TMPRSS11A: variants seen among roughly 807,000 people sequenced by gnomAD.
TMPRSS11A encodes the protein transmembrane serine protease 11A.
A neutral mutation model predicts 58.9 loss-of-function variants in TMPRSS11A; 53 were observed. The ratio of observed to expected loss-of-function variants is 0.90; its 90% CI spans 0.72 to 1.13. The LOEUF (loss-of-function observed/expected upper bound fraction) is 1.13, where lower values mean the gene tolerates loss of function less well. Ranked by LOEUF, TMPRSS11A falls within the 50% of genes most tolerant of loss-of-function variation. The pLI is 0.00. For missense variants in TMPRSS11A, 493 were observed against 499.3 expected (o/e 0.99, Z 0.12); for synonymous variants, 167 against 169.8 (o/e 0.98, Z 0.13).
At chr4:67,949,626 A>C (rs150479102) in intron 1 of TMPRSS11A, among the ~76,000 whole-genome samples, 2 of 152,340 alleles carry the variant, frequency 1.3e-5, no homozygotes, top group Admixed American at 6.5e-5. Flanking sequence ...TAGGAGGCTG[A>C]AGTGGGCAGG....
At chr4:67,918,348 T>C (rs1314248281) in intron 8 of TMPRSS11A, among the ~76,000 whole-genome samples, 2 of 152,192 alleles carry the variant, frequency 1.3e-5, no homozygotes, top group Non-Finnish European at 2.9e-5. Context: ...TTGAATACTT[T>C]TAGAGGGGAC....
intron 3 of TMPRSS11A, among the ~76,000 whole-genome samples, chr4:67,939,056 T>C (rs1720816556): frequency 6.6e-6 from 1 of 152,140 alleles, no homozygotes; most frequent in Non-Finnish European, 1.5e-5. Context: ...CATGGAATGT[T>C]TTTGCATTCA....
At position 67,920,527 on chromosome 4, in the gene TMPRSS11A, T is replaced by TTATATATA. The variant is rs1180319358; in HGVS notation, c.693-1303_693-1296dup. 1.6e-3 allele frequency among the ~76,000 whole-genome samples: 206 copies of TTATATATA among 132,712 alleles called. 1 individual carries two copies. The highest frequency in any genetic ancestry group is 4.0e-3 in the African/African-American group (145 of 35,812). 87.1% of individuals were successfully genotyped at this position (132,712 alleles called of 152,430 possible). On this transcript the variant is annotated intron_variant, in intron 7 of 9. Transcript: ENST00000508048. ...AGTTGGTTCTGGAAAAATGAGGTAA[T>TTATATATA]TATATATATATATATATATATATTT...
intron 3 of TMPRSS11A, among the ~76,000 whole-genome samples, chr4:67,943,274 G>A (rs1292373714): frequency 7.2e-5 from 11 of 152,104 alleles, no homozygotes; most frequent in South Asian, 4.1e-4. Context: ...ATTCTTCTCC[G>A]TTTACTTCAG....
chr4:67,922,818 T>A lies in TMPRSS11A; in HGVS notation c.629A>T (p.His210Leu). ...ACTAATCAAGGTGGCCCCACACTGATGGATGTTATCATACTGAAGGGAAGC... is the reference window on the plus strand; with the variant it reads ...ACTAATCAAGGTGGCCCCACACTGAAGGATGTTATCATACTGAAGGGAAGC... ...WQASLQYDNI[H>L]QCGATLISNT... Residue 210 changes from histidine (H) to leucine (L), a missense_variant, in exon 7 of 10, where the codon CAT becomes CTT. Physicochemically the swap from His to Leu is moderately conservative, Grantham distance 99 (BLOSUM62 -3). Transcript: ENST00000508048. The A allele has an allele frequency of 1.2e-6, 2 of 1,614,142 alleles. No individual in the cohort carries two copies. The highest frequency in any genetic ancestry group is 1.1e-5 in the South Asian group (1 of 91,078).
intron 3 of TMPRSS11A, among the ~76,000 whole-genome samples, chr4:67,938,813 C>T (rs1720811936): frequency 6.6e-6 from 1 of 150,384 alleles, no homozygotes; most frequent in South Asian, 2.1e-4. Flanking sequence ...TTACTGTAGC[C>T]TTAAAGTATA....
intron 3 of TMPRSS11A, among the ~76,000 whole-genome samples, chr4:67,933,482 T>C (rs1720678470): frequency 6.6e-6 from 1 of 152,216 alleles, no homozygotes; most frequent in Non-Finnish European, 1.5e-5. Flanking sequence ...AAGTAATTTA[T>C]TGACCTAAAG....
At chr4:67,932,806 G>T (rs933978572) in intron 3 of TMPRSS11A, among the ~76,000 whole-genome samples, 7 of 151,960 alleles carry the variant, frequency 4.6e-5, no homozygotes, top group African/African-American at 1.7e-4. Context: ...AGAATTAGGT[G>T]GTATTCCAGT....
intron 1 of TMPRSS11A, among the ~76,000 whole-genome samples, chr4:67,956,125 T>A (rs1430124818): frequency 6.6e-6 from 1 of 152,130 alleles, no homozygotes; most frequent in East Asian, 1.9e-4. Context: ...TGTAAAGCCA[T>A]GAAATAAGCA....
Position 67,919,251 on chromosome 4 carries a change from T to C in TMPRSS11A, c.693-19A>G, listed in dbSNP as rs1720253929. 4 of 1,610,348 alleles carry C rather than the reference T, an allele frequency of 2.5e-6. No individual in the cohort carries two copies. The highest frequency in any genetic ancestry group is 3.4e-6 in the Non-Finnish European group (4 of 1,177,882). On this transcript the variant is annotated intron_variant, in intron 7 of 9. Coordinates refer to ENST00000508048, the MANE Select transcript of TMPRSS11A (RefSeq NM_001114387.2). ...TTTATACCTGGAAAAGGTTAGAAAT[T>C]AACAGAATATATATAAGCTGCCCAA...
At chr4:67,928,909 T>G (rs1720541493) in intron 5 of TMPRSS11A, among the ~76,000 whole-genome samples, 1 of 152,234 alleles carries the variant, frequency 6.6e-6, no homozygotes, top group Admixed American at 6.5e-5. Flanking sequence ...TATACTTGTC[T>G]GTTGGAAGAA....
At chr4:67,947,438 A>G (rs1368627866) in intron 1 of TMPRSS11A, among the ~76,000 whole-genome samples, 1 of 152,164 alleles carries the variant, frequency 6.6e-6, no homozygotes, top group Non-Finnish European at 1.5e-5. Flanking sequence ...ATCAAGCTAA[A>G]CATCCTTTAG....
intron 5 of TMPRSS11A, among the ~76,000 whole-genome samples, chr4:67,928,347 C>T (rs1047368026): frequency 6.6e-6 from 1 of 152,182 alleles, no homozygotes; most frequent in African/African-American, 2.4e-5. Flanking sequence ...TGCCCAGCCT[C>T]AGGTGACTCT....
At chr4:67,952,499 G>C (rs549167201) in intron 1 of TMPRSS11A, among the ~76,000 whole-genome samples, 191 of 152,254 alleles carry the variant, frequency 1.3e-3, no homozygotes, top group Non-Finnish European at 2.2e-3. Context: ...ATTTGATTTT[G>C]CTTTCATATC....
chr4:67,945,368 A>G (rs568563898), intron 2 of TMPRSS11A, among the ~76,000 whole-genome samples: 2 of 152,270 alleles, frequency 1.3e-5, no homozygotes, highest in Admixed American at 6.5e-5. Context: ...TGGCTCAGGG[A>G]AGAGGGAGTG....
chr4:67,930,831 CA>C (rs1165212348), intron 4 of TMPRSS11A, among the ~76,000 whole-genome samples: 1,079 of 74,776 alleles, frequency 0.014, 8 homozygotes, highest in South Asian at 0.05. Flanking sequence ...TTTTTTTTTA[CA>C]AAAAAAAAAA....
At chr4:67,924,242 G>A in intron 5 of TMPRSS11A, 76 bp from the exon 6 acceptor site, 3 of 1,213,618 alleles carry the variant, frequency 2.5e-6, no homozygotes, top group Non-Finnish European at 3.7e-6. Context: ...AATAATCAGA[G>A]GATACTGACC....
intron 1 of TMPRSS11A, among the ~76,000 whole-genome samples, chr4:67,955,363 C>G (rs551508601): frequency 6.6e-6 from 1 of 152,274 alleles, no homozygotes; most frequent in Admixed American, 6.5e-5. Context: ...TATGTTTGCA[C>G]GTGTGTGTAC....
At chr4:67,929,776 T>C in intron 5 of TMPRSS11A, 104 bp downstream of exon 5, 1 of 1,091,144 alleles carries the variant, frequency 9.2e-7, no homozygotes. Flanking sequence ...TCATCTGAAT[T>C]CTAGCTATTA....
Sources: allele counts gnomAD v4.1 joint callset (sites outside exome capture counted in the v4.1 genomes callset), GRCh38; gene constraint gnomAD v4.1.1; transcripts MANE v1.5; gene names NCBI Gene and HGNC (gene_info 2026-07-23, HGNC 2026-07-21).